FOCAD: variants seen among roughly 807,000 people sequenced by gnomAD.
FOCAD encodes the protein focadhesin.
Under a neutral mutation model 225.6 loss-of-function variants are expected in FOCAD, and 198 were observed. The ratio of observed to expected loss-of-function variants is 0.88; its 90% CI spans 0.78 to 0.99. FOCAD has a LOEUF of 0.99. FOCAD is among the 50% of genes least tolerant of loss of function. The pLI is 0.00. For missense variants in FOCAD, 2,713 were observed against 2,123.6 expected (o/e 1.28, Z -5.46); for synonymous variants, 897 against 755.0 (o/e 1.19, Z -3.08).
chr9:20,961,153 C>T (rs1838681138), intron 35 of FOCAD, among the ~76,000 whole-genome samples: 1 of 151,742 alleles, frequency 6.6e-6, no homozygotes, highest in East Asian at 1.9e-4. Flanking sequence ...CTCCTCTCCA[C>T]TCCTCCCCTC....
intron 20 of FOCAD, among the ~76,000 whole-genome samples, 188 bp downstream of exon 20, chr9:20,882,244 T>G (rs1307503012): frequency 2.6e-5 from 4 of 152,230 alleles, no homozygotes; most frequent in Non-Finnish European, 5.9e-5. Context: ...TAGATGGATT[T>G]AAGTTTCAGA....
chr9:20,839,680 T>A (rs768122718), intron 15 of FOCAD, among the ~76,000 whole-genome samples: 10 of 152,060 alleles, frequency 6.6e-5, no homozygotes, highest in Non-Finnish European at 1.5e-4. Flanking sequence ...TATGGGTACA[T>A]AAGTGTATAT....
At chr9:20,801,474 G>A (rs1587226114) in intron 11 of FOCAD, among the ~76,000 whole-genome samples, 1 of 152,070 alleles carries the variant, frequency 6.6e-6, no homozygotes, top group East Asian at 1.9e-4. Context: ...GAGCCACTGC[G>A]CCCACCCTGG....
chr9:20,952,879 A>C (rs947992930), intron 34 of FOCAD, 106 bp from the exon 35 acceptor site: 1 of 839,892 alleles, frequency 1.2e-6, no homozygotes, highest in East Asian at 2.5e-5. Flanking sequence ...TGGCATAAAC[A>C]TCTCCACTTT....
intron 7 of FOCAD, among the ~76,000 whole-genome samples, chr9:20,767,066 T>G (rs1830112207): frequency 6.6e-6 from 1 of 151,300 alleles, no homozygotes; most frequent in South Asian, 2.1e-4. Flanking sequence ...TGAGTGAGAA[T>G]ATGTGGTGTT....
At chr9:20,906,782 A>G (rs1022237579) in intron 21 of FOCAD, among the ~76,000 whole-genome samples, 1 of 152,088 alleles carries the variant, frequency 6.6e-6, no homozygotes, top group Non-Finnish European at 1.5e-5. Context: ...TTTATTTAAA[A>G]TTACTACGGG....
At chr9:20,678,311 T>C (rs1177285107) in intron 2 of FOCAD, among the ~76,000 whole-genome samples, 2 of 152,212 alleles carry the variant, frequency 1.3e-5, no homozygotes, top group Non-Finnish European at 2.9e-5. Flanking sequence ...ATCATTCTTA[T>C]TGCCCAAGCT....
At chr9:20,833,215 A>C (rs979849294) in intron 15 of FOCAD, among the ~76,000 whole-genome samples, 10 of 152,000 alleles carry the variant, frequency 6.6e-5, no homozygotes, top group African/African-American at 1.9e-4. Context: ...GTGATATCTC[A>C]TAGTGGTTTT....
chr9:20,917,153 T>C (rs1486543804), intron 24 of FOCAD, among the ~76,000 whole-genome samples: 2 of 152,090 alleles, frequency 1.3e-5, no homozygotes, highest in African/African-American at 2.4e-5. Context: ...TACTAACATA[T>C]AACTTTTACA....
intron 4 of FOCAD, among the ~76,000 whole-genome samples, chr9:20,726,119 A>G (rs1296428828): frequency 6.6e-6 from 1 of 152,220 alleles, no homozygotes; most frequent in Non-Finnish European, 1.5e-5. Context: ...ATAGCAGCAT[A>G]TAGTTTTGTA....
intron 11 of FOCAD, among the ~76,000 whole-genome samples, chr9:20,809,441 T>C (rs1296783907): frequency 2.6e-5 from 4 of 152,128 alleles, no homozygotes; most frequent in African/African-American, 9.7e-5. Context: ...ATTAATCAAA[T>C]TGATTAATTT....
At chr9:20,676,866 A>G (rs1381628408) in intron 2 of FOCAD, among the ~76,000 whole-genome samples, 2 of 152,326 alleles carry the variant, frequency 1.3e-5, no homozygotes, top group Non-Finnish European at 2.9e-5. Flanking sequence ...TGATAATACT[A>G]TTTAAGAAAT....
At chr9:20,895,466 A>C (rs548211967) in intron 21 of FOCAD, among the ~76,000 whole-genome samples, 5 of 151,920 alleles carry the variant, frequency 3.3e-5, no homozygotes, top group African/African-American at 1.2e-4. Context: ...ATATTTCTCT[A>C]TTTATTTCAT....
In FOCAD at chr9:20,967,182, G is replaced by A. The variant is rs932170004; in HGVS notation, c.4133-9238G>A. 6.1e-4 allele frequency among the ~76,000 whole-genome samples: 92 copies of A among 151,854 alleles called. 1 individual carries two copies. The highest frequency in any genetic ancestry group is 6.0e-3 in the Admixed American group (92 of 15,230). On this transcript the variant is annotated intron_variant, in intron 35 of 43. Transcript: ENST00000338382. ...CAAGATGTCTTTCTATTTATTTAGG[G>A]CTGCTTTAATCTCTTTAGCATATTC...
intron 2 of FOCAD, among the ~76,000 whole-genome samples, chr9:20,661,385 G>A (rs1390140712): frequency 6.6e-6 from 1 of 152,174 alleles, no homozygotes; most frequent in African/African-American, 2.4e-5. Context: ...TTATAAGATT[G>A]TCTCAAGACT....
At chr9:20,714,718 C>G (rs1314076822) in intron 1 of FOCAD, among the ~76,000 whole-genome samples, 1 of 150,030 alleles carries the variant, frequency 6.7e-6, no homozygotes, top group Non-Finnish European at 1.5e-5. Context: ...TTCTCTCTTT[C>G]ACTTTTCTTT....
At chr9:20,746,796 G>A (rs1344748478) in intron 5 of FOCAD, among the ~76,000 whole-genome samples, 2 of 152,090 alleles carry the variant, frequency 1.3e-5, no homozygotes, top group South Asian at 2.1e-4. Context: ...ACTTTTTAAT[G>A]TATAGGATCT....
chr9:20,740,301 A>C lies in FOCAD; in HGVS notation c.353A>C (p.Gln118Pro). The change falls in exon 5 of 44, where the codon CAA becomes CCA. Residue 118 changes from glutamine to proline, a missense_variant. By Grantham distance (76) the Gln-to-Pro change is moderately conservative. Coordinates refer to ENST00000338382, the MANE Select transcript of FOCAD (RefSeq NM_001375567.1). The stretch of plus-strand genomic sequence containing the variant: ...CAAATGCAAGCTCTTAAGGAAGGAC[A>C]AGGTGGGGAAAAGAATATTCAGAGT... Reference protein sequence around the residue: ...LLQMQALKEGQGGEKNIQSIY... With the variant: ...LLQMQALKEGPGGEKNIQSIY... 6.2e-7 allele frequency: 1 copy of C among 1,611,874 alleles called. No individual in the cohort carries two copies. The highest frequency in any genetic ancestry group is 8.5e-7 in the Non-Finnish European group (1 of 1,178,452).
intron 4 of FOCAD, among the ~76,000 whole-genome samples, chr9:20,730,469 T>A (rs984641548): frequency 1.6e-4 from 24 of 152,222 alleles, no homozygotes; most frequent in Admixed American, 3.9e-4. Context: ...TATAAAATAA[T>A]TATAATGAGC....
Sources: allele counts gnomAD v4.1 joint callset (sites outside exome capture counted in the v4.1 genomes callset), GRCh38; gene constraint gnomAD v4.1.1; transcripts MANE v1.5; gene names NCBI Gene and HGNC (gene_info 2026-07-23, HGNC 2026-07-21).